The following SYNE2 variants were observed in gnomAD, a reference collection of about 807,000 sequenced individuals.
The protein encoded by SYNE2 is nesprin-2.
SYNE2 carries 431 observed loss-of-function variants against 856.3 expected under a neutral mutation model. That is an observed-to-expected ratio of 0.50 (90% confidence interval 0.47 to 0.55). SYNE2 has a LOEUF of 0.55. SYNE2 is among the 20% of genes least tolerant of loss of function. SYNE2 has a pLI of 0.00. For synonymous variants in SYNE2, 2,923 were observed against 2,872.3 expected (o/e 1.02, Z -0.56); for missense variants, 8,129 against 8,023.2 (o/e 1.01, Z -0.50).
chr14:64,022,897 T>G (rs751109826), intron 38 of SYNE2, 34 bp downstream of exon 38: 1 of 1,180,540 alleles, frequency 8.5e-7, no homozygotes, highest in East Asian at 2.5e-5. Context: ...AATAAAAATT[T>G]TCAATACTAA....
intron 1 of SYNE2, among the ~76,000 whole-genome samples, chr14:63,818,766 T>C (rs2139856781): frequency 6.7e-6 from 1 of 150,088 alleles, no homozygotes; most frequent in South Asian, 2.1e-4. Context: ...TGGCTCGATC[T>C]CGGCTCACTG....
At chr14:64,175,389 C>G (rs1306768993) in intron 95 of SYNE2, among the ~76,000 whole-genome samples, 1 of 152,080 alleles carries the variant, frequency 6.6e-6, no homozygotes, top group Non-Finnish European at 1.5e-5. Flanking sequence ...GAAACATATT[C>G]AATGAAAGTT....
At chr14:64,146,937 T>C (rs1484746854) in intron 84 of SYNE2, among the ~76,000 whole-genome samples, 1 of 152,232 alleles carries the variant, frequency 6.6e-6, no homozygotes, top group Non-Finnish European at 1.5e-5. Flanking sequence ...GGTCACGGGA[T>C]AGCACTGGAC....
intron 88 of SYNE2, 117 bp from the exon 89 acceptor site, chr14:64,163,285 G>C (rs1409362273): frequency 1.2e-5 from 14 of 1,161,896 alleles, no homozygotes; most frequent in Admixed American, 9.8e-5. Context: ...AATAACAAAA[G>C]ATCATGCCTA....
Position 64,209,972 on chromosome 14 carries a change from A to T in SYNE2, c.18571A>T (p.Thr6191Ser). The T allele has an allele frequency of 6.2e-7, 1 of 1,614,032 alleles. No homozygotes were observed. Among genetic ancestry groups the T allele is most frequent in the Non-Finnish European group, 8.5e-7 (1 of 1,180,008 alleles). Residue 6191 changes from threonine to serine, a missense_variant, in exon 103 of 116, where the codon ACT becomes TCT. Physicochemically the swap from Thr to Ser is moderately conservative, Grantham distance 58. Transcript: ENST00000555002. Reference protein sequence around the residue: ...AFQRQIHERLTQLELINKQYR... With the variant: ...AFQRQIHERLSQLELINKQYR... ...TCAGCGGCAGATTCATGAGCGGCTCACTCAGCTGGAGCTCATCAACAAGCA... is the reference window on the plus strand; with the variant it reads ...TCAGCGGCAGATTCATGAGCGGCTCTCTCAGCTGGAGCTCATCAACAAGCA...
At chr14:64,181,842 A>G (rs551845199) in intron 96 of SYNE2, among the ~76,000 whole-genome samples, 3 of 152,344 alleles carry the variant, frequency 2.0e-5, no homozygotes, top group African/African-American at 7.2e-5. Context: ...TTCTAACTTC[A>G]CTATTATGAA....
chr14:64,225,272 G>C (rs1303042323), intron 115 of SYNE2, 47 bp from the exon 116 acceptor site: 1 of 1,613,980 alleles, frequency 6.2e-7, no homozygotes. Context: ...AGAGTGGGTT[G>C]TGCCTGTGGA....
Position 64,224,464 on chromosome 14 carries a change from C to G in SYNE2, c.20386C>G (p.Pro6796Ala). The G allele has an allele frequency of 7.5e-6, 12 of 1,610,412 alleles. No individual in the cohort carries two copies. The highest frequency in any genetic ancestry group is 9.3e-6 in the Non-Finnish European group (11 of 1,177,884). Reference sequence around the variant, plus strand: ...ACCTTTGGGGTCTGAATTTCAGAACCCAGCCTCACCCCTGCCCAGCTTCGA... The same window carrying G: ...ACCTTTGGGGTCTGAATTTCAGAACGCAGCCTCACCCCTGCCCAGCTTCGA... ...DLMALQGTQN[P>A]ASPLPSFDEV... Residue 6796 changes from proline (P) to alanine (A), a missense_variant, in exon 114 of 116, where the codon CCA (proline) becomes GCA (alanine). Physicochemically the swap from Pro to Ala is conservative, Grantham distance 27 (BLOSUM62 -1). Transcript: ENST00000555002.
intron 1 of SYNE2, among the ~76,000 whole-genome samples, chr14:63,894,059 A>G (rs2095199779): frequency 6.6e-6 from 1 of 152,220 alleles, no homozygotes; most frequent in South Asian, 2.1e-4. Flanking sequence ...ACCCAATGAC[A>G]GACTGACCTA....
intron 11 of SYNE2, among the ~76,000 whole-genome samples, chr14:63,972,724 C>G (rs1330131473): frequency 6.6e-6 from 1 of 152,160 alleles, no homozygotes; most frequent in Non-Finnish European, 1.5e-5. Context: ...TTCTGTTCTT[C>G]GTCTTCTGCC....
intron 111 of SYNE2, 85 bp from the exon 112 acceptor site, chr14:64,221,491 G>C: frequency 6.2e-7 from 1 of 1,613,450 alleles, no homozygotes; most frequent in Non-Finnish European, 8.5e-7. Context: ...GACTGTGATG[G>C]ATTGGAAGCA....
chr14:63,785,661 C>T (rs963277047), intron 1 of SYNE2, among the ~76,000 whole-genome samples: 3 of 152,136 alleles, frequency 2.0e-5, no homozygotes, highest in Admixed American at 1.3e-4. Context: ...TATCTGTCCA[C>T]AAAACGTACA....
At position 64,076,374 on chromosome 14, in the gene SYNE2, GTT is replaced by G. The variant is rs1238588062; in HGVS notation, c.11022+277_11022+278del. Among the ~76,000 whole-genome samples, 5 of 151,996 alleles carry G rather than the reference GTT, an allele frequency of 3.3e-5. No individual in the cohort carries two copies. In the East Asian group the frequency reaches 9.6e-4, roughly 29 times the overall value. ...TACAGTTATATAATATTTTTTACTG[GTT>G]TTGTTTGCTTTTGTACAACCACTGT... On this transcript the variant is annotated intron_variant, in intron 54 of 115. Transcript: ENST00000555002.
intron 1 of SYNE2, among the ~76,000 whole-genome samples, chr14:63,907,745 C>T (rs1338034421): frequency 2.0e-5 from 3 of 152,174 alleles, no homozygotes; most frequent in East Asian, 3.9e-4. Context: ...CTCAGTATAT[C>T]GCAAAGCTGA....
chr14:63,933,684 C>G (rs1468677201), intron 2 of SYNE2, among the ~76,000 whole-genome samples: 2 of 152,114 alleles, frequency 1.3e-5, no homozygotes, highest in Non-Finnish European at 2.9e-5. Context: ...ATTTCTTATT[C>G]TCTATTCCCT....
rs796481599 is a variant in SYNE2 at position 64,012,997 on chromosome 14, CTT to C, written c.4728+2883_4728+2884del. ...GGATATGGTGACAAAGTTCTACTCTCTTTAATGAAAGACAGAAGTGCAAAAAG... is the reference window on the plus strand; with the variant it reads ...GGATATGGTGACAAAGTTCTACTCTCTAATGAAAGACAGAAGTGCAAAAAG... On this transcript the variant is annotated intron_variant, in intron 32 of 115. Transcript: ENST00000555002. Among the ~76,000 whole-genome samples, 15 of 152,280 alleles carry C rather than the reference CTT, an allele frequency of 9.9e-5. 1 individual carries two copies. Among genetic ancestry groups the C allele is most frequent in the African/African-American group, 3.6e-4 (15 of 41,550 alleles).
intron 56 of SYNE2, 146 bp downstream of exon 56, chr14:64,080,784 G>T: frequency 2.0e-6 from 2 of 982,370 alleles, no homozygotes; most frequent in Admixed American, 2.0e-5. Context: ...TTGTGTGGGT[G>T]CTGAGGAGAC....
rs534460918 is a variant in SYNE2, at chr14:64,147,960, C to G, written c.15639+1737C>G. On this transcript the variant is annotated intron_variant, in intron 84 of 115. Transcript: ENST00000555002. ...ACGGTAGTTTAGCCAATCCATGGAT[C>G]TTGAGTACATGAAATTTACTAGTGA... Among the ~76,000 whole-genome samples, 48 of 152,252 alleles carry G rather than the reference C, an allele frequency of 3.2e-4. No individual in the cohort carries two copies. The South Asian group carries it at 9.3e-3, about 30-fold the overall frequency.
intron 1 of SYNE2, among the ~76,000 whole-genome samples, chr14:63,894,015 T>C (rs17750906): frequency 0.49 from 74,002 of 151,952 alleles, 19,031 homozygotes; most frequent in South Asian, 0.66. Context: ...GTTACTTCTT[T>C]GGGGAAAAAG....
Sources: allele counts gnomAD v4.1 joint callset (sites outside exome capture counted in the v4.1 genomes callset), GRCh38; gene constraint gnomAD v4.1.1; transcripts MANE v1.5; gene names NCBI Gene and HGNC (gene_info 2026-07-23, HGNC 2026-07-21).